The following MCTP2 variants were observed in gnomAD, a reference collection of about 807,000 sequenced individuals.
MCTP2 encodes multiple C2 and transmembrane domain containing 2.
A neutral mutation model predicts 111.6 loss-of-function variants in MCTP2; 132 were observed. The ratio of observed to expected loss-of-function variants is 1.18; its 90% CI spans 1.03 to 1.37. The LOEUF (loss-of-function observed/expected upper bound fraction) is 1.37. MCTP2 is among the 40% of genes most tolerant of loss of function. The probability of loss-of-function intolerance (pLI) is 0.00; values close to 1 mark genes in which losing one functional copy is unlikely to be tolerated. For synonymous variants in MCTP2, 395 were observed against 387.7 expected (o/e 1.02, Z -0.22); for missense variants, 1,183 against 1,067.9 (o/e 1.11, Z -1.50).
At chr15:94,301,732 CAATTT>C (rs1214573547) in intron 2 of MCTP2, among the ~76,000 whole-genome samples, 1 of 151,680 alleles carries the variant, frequency 6.6e-6, no homozygotes, top group African/African-American at 2.4e-5. Context: ...AAAAAATACT[CAATTT>C]TATTTTATAT....
chr15:94,435,849 T>C (rs1263550538), intron 17 of MCTP2, among the ~76,000 whole-genome samples: 1 of 151,182 alleles, frequency 6.6e-6, no homozygotes, highest in African/African-American at 2.4e-5. Context: ...GCCGGGATGG[T>C]CTCGATCTCC....
intron 1 of MCTP2, among the ~76,000 whole-genome samples, chr15:94,266,160 T>G (rs1421012607): frequency 6.6e-6 from 1 of 152,228 alleles, no homozygotes; most frequent in African/African-American, 2.4e-5. Context: ...GGGGTCTGTG[T>G]TGCTGCACTG....
chr15:94,451,697 T>TA (rs1337347975), intron 19 of MCTP2, among the ~76,000 whole-genome samples: 1 of 152,248 alleles, frequency 6.6e-6, no homozygotes, highest in Non-Finnish European at 1.5e-5. Context: ...TAAACTGTGT[T>TA]ATCACCACAT....
chr15:94,404,333 A>G (rs2081783340), intron 17 of MCTP2, among the ~76,000 whole-genome samples: 1 of 136,416 alleles, frequency 7.3e-6, no homozygotes, highest in Non-Finnish European at 1.5e-5. Context: ...ACAGAGTCTG[A>G]CTCTGTCACC....
At chr15:94,445,525 A>G (rs1050388297) in intron 19 of MCTP2, among the ~76,000 whole-genome samples, 3 of 152,182 alleles carry the variant, frequency 2.0e-5, no homozygotes, top group Non-Finnish European at 4.4e-5. Context: ...TGTAAACTAA[A>G]GGGATCTTCA....
chr15:94,248,481 C>T (rs1355302025), intron 1 of MCTP2, among the ~76,000 whole-genome samples: 1 of 152,162 alleles, frequency 6.6e-6, no homozygotes, highest in Non-Finnish European at 1.5e-5. Context: ...TGTTTACTTT[C>T]CAATTACATT....
In MCTP2 at chr15:94,476,710, A is replaced by G; in HGVS notation, c.2485A>G (p.Thr829Ala). Residue 829 changes from threonine to alanine, a missense_variant, in exon 22 of 23, where the codon ACT (threonine) becomes GCT (alanine). By Grantham distance (58) the Thr-to-Ala change is moderately conservative. Transcript: ENST00000357742. ...IILIWGINKF[T>A]KKLRNPYSID... ...CTATTTTTCAGGCATAAATAAATTT[A>G]CTAAGAAGCTTCGAAATCCCTATTC... is the stretch of plus-strand genomic sequence containing the variant. 6.3e-7 allele frequency: 1 copy of G among 1,587,966 alleles called. No individual in the cohort carries two copies. The highest frequency in any genetic ancestry group is 8.6e-7 in the Non-Finnish European group (1 of 1,156,698).
intron 4 of MCTP2, among the ~76,000 whole-genome samples, chr15:94,338,373 T>A (rs938792383): frequency 4.6e-5 from 7 of 152,144 alleles, no homozygotes; most frequent in Admixed American, 2.0e-4. Flanking sequence ...TTGTGCCTCC[T>A]CCTTCCACCG....
chr15:94,249,786 G>A (rs892929048), intron 1 of MCTP2, among the ~76,000 whole-genome samples: 1 of 152,058 alleles, frequency 6.6e-6, no homozygotes, highest in African/African-American at 2.4e-5. Context: ...TGCCTGGCCA[G>A]AATCTTTTTT....
intron 2 of MCTP2, among the ~76,000 whole-genome samples, chr15:94,312,373 T>C (rs1156624318): frequency 2.0e-5 from 3 of 152,236 alleles, no homozygotes; most frequent in African/African-American, 7.2e-5. Context: ...GGTCCTTTTA[T>C]ACATAACACA....
chr15:94,245,566 A>G (rs62017620), intron 1 of MCTP2, among the ~76,000 whole-genome samples: 54,916 of 141,310 alleles, frequency 0.39, 11,038 homozygotes, highest in Non-Finnish European at 0.44. Flanking sequence ...GTATACATAT[A>G]TGTATATATA....
chr15:94,266,323 G>T (rs2073527825), intron 1 of MCTP2, among the ~76,000 whole-genome samples: 1 of 151,932 alleles, frequency 6.6e-6, no homozygotes, highest in African/African-American at 2.4e-5. Context: ...ATATTTTTTT[G>T]ACTCGTTTGT....
rs752536531 is a variant in MCTP2 at position 94,367,634 on chromosome 15, T to G, written c.1331T>G (p.Leu444Arg). 11 of 1,611,698 alleles carry G rather than the reference T, an allele frequency of 6.8e-6. 1 individual carries two copies. The South Asian group carries it at 1.1e-4, about 16-fold the overall frequency. The change falls in exon 11 of 23, where the codon CTG becomes CGG. Residue 444 changes from leucine to arginine, a missense_variant. By Grantham distance (102) the Leu-to-Arg change is moderately radical. Coordinates refer to ENST00000357742, the MANE Select transcript of MCTP2 (RefSeq NM_001385001.1). ...AAAGTGGATATCTCGGCACTCCCTC[T>G]GAAGCAAGCCAACTGCCTGGAGCTG... The part of the protein sequence containing the change: ...TCKVDISALP[L>R]KQANCLELPL...
chr15:94,271,842 T>G (rs745857439), intron 1 of MCTP2, among the ~76,000 whole-genome samples: 5 of 152,234 alleles, frequency 3.3e-5, no homozygotes, highest in Non-Finnish European at 7.3e-5. Context: ...GCATAAAGTT[T>G]CTGTTGTTCT....
chr15:94,352,734 G>GT (rs2152420059), intron 8 of MCTP2, among the ~76,000 whole-genome samples: 1 of 152,284 alleles, frequency 6.6e-6, no homozygotes, highest in African/African-American at 2.4e-5. Context: ...ATTCAGCTGA[G>GT]TGAGTGCAGA....
At chr15:94,285,681 C>A (rs2152318311) in intron 1 of MCTP2, among the ~76,000 whole-genome samples, 1 of 152,316 alleles carries the variant, frequency 6.6e-6, no homozygotes, top group Middle Eastern at 3.4e-3. Context: ...GTTTCCGAAA[C>A]CCTAGCTCCT....
intron 1 of MCTP2, among the ~76,000 whole-genome samples, chr15:94,262,303 A>G (rs894349931): frequency 4.6e-5 from 7 of 152,322 alleles, no homozygotes; most frequent in Admixed American, 3.9e-4. Context: ...TGAAGATTGT[A>G]GTTTTAATTT....
Position 94,440,238 on chromosome 15 carries a change from C to T in MCTP2, c.2148C>T (p.Ile716=), listed in dbSNP as rs760513963. The change falls in exon 18 of 23, where the codon ATC becomes ATT. Residue 716 remains isoleucine (I), a synonymous_variant. Coordinates refer to ENST00000357742, the MANE Select transcript of MCTP2 (RefSeq NM_001385001.1). ...TGATCCCCTTGGCATTGTTGCTGAT[C>T]TTTGTCTACAATTTCATCAGACCTG... is the stretch of plus-strand genomic sequence containing the variant. The part of the protein sequence containing the change: ...LYMIPLALLL[I]FVYNFIRPVK... 5 of 1,614,062 alleles carry T rather than the reference C, an allele frequency of 3.1e-6. No homozygotes were observed. The highest frequency in any genetic ancestry group is 2.2e-5 in the East Asian group (1 of 44,870).
Position 94,358,515 on chromosome 15 carries a change from G to A in MCTP2, c.1204G>A (p.Glu402Lys), listed in dbSNP as rs1394511459. ...LCKSANPQWQ[E>K]QFDFHYFSDR... ...TAAGAGTGCAAATCCGCAGTGGCAGGAACAGTTTGACTTTCACTACTTCTC... is the reference window on the plus strand; with the variant it reads ...TAAGAGTGCAAATCCGCAGTGGCAGAAACAGTTTGACTTTCACTACTTCTC... Residue 402 changes from glutamate to lysine, a missense_variant, in exon 10 of 23, where the codon GAA (glutamate) becomes AAA (lysine). Coordinates refer to ENST00000357742, the MANE Select transcript of MCTP2 (RefSeq NM_001385001.1). 2.5e-6 allele frequency: 4 copies of A among 1,613,612 alleles called. No homozygotes were observed. Among genetic ancestry groups the A allele is most frequent in the Non-Finnish European group, 3.4e-6 (4 of 1,179,758 alleles).
Sources: gnomAD v4.1 joint callset for allele counts (sites outside exome capture counted in the v4.1 genomes callset) on GRCh38, gnomAD v4.1.1 for gene constraint, MANE v1.5 for transcripts, NCBI Gene and HGNC (gene_info 2026-07-23, HGNC 2026-07-21) for gene names.